ARID4B: variants seen among roughly 807,000 people sequenced by gnomAD.
ARID4B encodes AT-rich interaction domain 4B.
In ARID4B, 26 loss-of-function variants were observed where a neutral mutation model predicts 147.5. That is an observed-to-expected ratio of 0.18 (90% CI 0.13 to 0.24). The LOEUF (loss-of-function observed/expected upper bound fraction) is 0.24, where lower values mean the gene tolerates loss of function less well. Ranked by LOEUF, ARID4B falls within the 10% of genes least tolerant of loss-of-function variation. The probability of loss-of-function intolerance (pLI) is 1.00; values close to 1 mark genes in which losing one functional copy is unlikely to be tolerated. For missense variants in ARID4B, 1,179 were observed against 1,511.5 expected (o/e 0.78, Z 3.65); for synonymous variants, 512 against 507.9 (o/e 1.01, Z -0.11).
At position 235,220,626 on chromosome 1, in the gene ARID4B, T is replaced by C. The variant is rs891533466; in HGVS notation, c.1164-81A>G. The C allele has an allele frequency of 1.2e-5, 13 of 1,108,586 alleles. No homozygotes were observed. In the Admixed American group the frequency reaches 3.8e-4, roughly 32 times the overall value. The allele number at this position is 1,108,586 out of a possible 1,614,324, so 68.7% of individuals were successfully genotyped here. A position where few individuals can be genotyped will look rare whatever the true frequency, so the allele number is the denominator to read the frequency against. ...GAGTTATTTTTAATGTGTATTCATT[T>C]CTTTTGTCTAAACTCTCAGATATTG... On this transcript the variant is annotated intron_variant, in intron 14 of 23. Coordinates refer to ENST00000264183, the MANE Select transcript of ARID4B (RefSeq NM_016374.6).
intron 5 of ARID4B, 122 bp from the exon 6 acceptor site, chr1:235,252,931 A>C: frequency 1.5e-6 from 1 of 669,604 alleles, no homozygotes; most frequent in African/African-American, 1.8e-5. Flanking sequence ...TTGGAATTCA[A>C]TTCACATTTT....
chr1:235,205,219 GGAAA>G (rs1329978961), intron 17 of ARID4B, among the ~76,000 whole-genome samples: 1 of 151,638 alleles, frequency 6.6e-6, no homozygotes, highest in East Asian at 1.9e-4. Context: ...CAGATTACAT[GGAAA>G]TAAGAAAGAA....
At chr1:235,302,177 A>AAC (rs1328896810) in intron 2 of ARID4B, among the ~76,000 whole-genome samples, 2 of 120,216 alleles carry the variant, frequency 1.7e-5, no homozygotes, top group African/African-American at 3.3e-5. Flanking sequence ...AAAAAAAAAA[A>AAC]CAGCAAAAAA....
chr1:235,296,624 A>AT (rs1472968222), intron 2 of ARID4B, among the ~76,000 whole-genome samples: 1 of 151,370 alleles, frequency 6.6e-6, no homozygotes, highest in Admixed American at 6.6e-5. Context: ...TGCCTGGCTA[A>AT]TTTTTTTGAG....
chr1:235,208,894 T>C (rs1243110101), intron 17 of ARID4B, among the ~76,000 whole-genome samples: 1 of 152,222 alleles, frequency 6.6e-6, no homozygotes. Context: ...AAAAATAATT[T>C]ATGAGCATAC....
intron 2 of ARID4B, among the ~76,000 whole-genome samples, chr1:235,300,347 G>A (rs1673029306): frequency 6.6e-6 from 1 of 151,990 alleles, no homozygotes; most frequent in South Asian, 2.1e-4. Flanking sequence ...AACCCAGGAG[G>A]TGGAGGTTGT....
chr1:235,312,349 C>T (rs1462905192), intron 2 of ARID4B, among the ~76,000 whole-genome samples: 3 of 152,072 alleles, frequency 2.0e-5, no homozygotes, highest in Admixed American at 2.0e-4. Flanking sequence ...TCAATACAGT[C>T]AAACATAACA....
chr1:235,209,101 C>T (rs759528055), intron 17 of ARID4B, among the ~76,000 whole-genome samples: 1 of 152,104 alleles, frequency 6.6e-6, no homozygotes, highest in Non-Finnish European at 1.5e-5. Context: ...AGAAAACAAA[C>T]TTGCCCAAAT....
At chr1:235,287,290 T>A (rs1672040632) in intron 2 of ARID4B, among the ~76,000 whole-genome samples, 1 of 152,108 alleles carries the variant, frequency 6.6e-6, no homozygotes, top group Non-Finnish European at 1.5e-5. Flanking sequence ...TTTACCTTTT[T>A]TCTCCTCACT....
intron 8 of ARID4B, among the ~76,000 whole-genome samples, chr1:235,237,473 T>G (rs1350780426): frequency 1.3e-5 from 2 of 152,180 alleles, no homozygotes. Flanking sequence ...TTGTCCTCAT[T>G]TTTCACTATC....
At chr1:235,178,625 T>C (rs980057115) in intron 20 of ARID4B, among the ~76,000 whole-genome samples, 2 of 152,208 alleles carry the variant, frequency 1.3e-5, no homozygotes, top group African/African-American at 4.8e-5. Context: ...CTCTGAACTG[T>C]AGCATTTTTC....
chr1:235,173,763 AAAAAAAAAATATATATATATATATATAT>A (rs1663580021), intron 22 of ARID4B, among the ~76,000 whole-genome samples: 5 of 52,512 alleles, frequency 9.5e-5, no homozygotes, highest in African/African-American at 5.8e-4. Context: ...AAAAAAAAAA[AAAAAAAAAATATATATATATATATATAT>A]ATATATATAT....
chr1:235,322,453 C>T (rs10802617), intron 2 of ARID4B, among the ~76,000 whole-genome samples: 70,722 of 151,940 alleles, frequency 0.47, 16,798 homozygotes, highest in South Asian at 0.6. Context: ...CACCTTGTTT[C>T]GTTCATTTTC....
At chr1:235,271,536 A>G (rs1371108981) in intron 2 of ARID4B, among the ~76,000 whole-genome samples, 1 of 151,876 alleles carries the variant, frequency 6.6e-6, no homozygotes, top group Non-Finnish European at 1.5e-5. Flanking sequence ...AGGCTGAGGC[A>G]GGAGTATCAC....
chr1:235,254,624 A>G (rs1423830656), intron 5 of ARID4B, among the ~76,000 whole-genome samples: 1 of 152,004 alleles, frequency 6.6e-6, no homozygotes, highest in Non-Finnish European at 1.5e-5. Context: ...AAAAGCAGAG[A>G]CAAGAATAAA....
chr1:235,181,130 G>C (rs1242955834), intron 20 of ARID4B: 2 of 1,024,636 alleles, frequency 2.0e-6, no homozygotes, highest in Non-Finnish European at 2.3e-6. Context: ...GCAGTGCCTG[G>C]ACAGTTGGTT....
At chr1:235,222,554 A>G (rs1036018329) in intron 13 of ARID4B, among the ~76,000 whole-genome samples, 1 of 152,212 alleles carries the variant, frequency 6.6e-6, no homozygotes, top group Admixed American at 6.5e-5. Context: ...CATACTGTCT[A>G]ATGAAAAAGA....
intron 23 of ARID4B, among the ~76,000 whole-genome samples, chr1:235,170,179 A>T (rs1454515690): frequency 2.0e-5 from 3 of 152,142 alleles, no homozygotes; most frequent in Admixed American, 6.5e-5. Context: ...CCCAGGGGCA[A>T]ATCTGGCTTA....
chr1:235,244,842 A>C (rs1197679514), intron 7 of ARID4B, among the ~76,000 whole-genome samples: 1 of 152,212 alleles, frequency 6.6e-6, no homozygotes, highest in African/African-American at 2.4e-5. Flanking sequence ...TCTAGGTTTA[A>C]GACTTTGTTG....
Sources: gnomAD v4.1 joint callset for allele counts (sites outside exome capture counted in the v4.1 genomes callset) on GRCh38, gnomAD v4.1.1 for gene constraint, MANE v1.5 for transcripts, NCBI Gene and HGNC (gene_info 2026-07-23, HGNC 2026-07-21) for gene names.